The following RNF220 variants were observed in gnomAD, a reference collection of about 807,000 sequenced individuals.
The protein encoded by RNF220 is ring finger protein 220.
In RNF220, 7 loss-of-function variants were observed where a neutral mutation model predicts 67.1. The ratio of observed to expected loss-of-function variants is 0.10; its 90% CI spans 0.06 to 0.20. The LOEUF is 0.20. Among genes scored for constraint, RNF220 ranks in the 10% least tolerant of loss-of-function variants. The pLI, the probability that RNF220 is intolerant of heterozygous loss-of-function variation, is 1.00. For missense variants in RNF220, 565 were observed against 740.3 expected (o/e 0.76, Z 2.75); for synonymous variants, 270 against 283.2 (o/e 0.95, Z 0.47).
At chr1:44,542,361 T>C (rs1285644387) in intron 2 of RNF220, among the ~76,000 whole-genome samples, 1 of 152,030 alleles carries the variant, frequency 6.6e-6, no homozygotes, top group Non-Finnish European at 1.5e-5. Flanking sequence ...CAGCAGAGGG[T>C]TACACACTGA....
chr1:44,625,561 G>C (rs2148456736), intron 4 of RNF220, among the ~76,000 whole-genome samples: 1 of 152,312 alleles, frequency 6.6e-6, no homozygotes, highest in South Asian at 2.1e-4. Context: ...GTACAGGCTG[G>C]AGAAGGTGGG....
intron 2 of RNF220, among the ~76,000 whole-genome samples, chr1:44,550,965 T>C (rs909080544): frequency 4.1e-4 from 62 of 152,070 alleles, no homozygotes; most frequent in Admixed American, 2.0e-4. Flanking sequence ...ACTCAGGCAT[T>C]CAGGGGATTT....
chr1:44,635,497 A>G (rs1361635955), intron 6 of RNF220, 48 bp from the exon 7 acceptor site: 2 of 1,600,942 alleles, frequency 1.2e-6, no homozygotes, highest in African/African-American at 2.7e-5. Flanking sequence ...TGGGGGCTGC[A>G]GTGACCGTCT....
intron 2 of RNF220, among the ~76,000 whole-genome samples, chr1:44,439,498 G>A (rs530253194): frequency 2.6e-5 from 4 of 151,614 alleles, no homozygotes; most frequent in Admixed American, 1.3e-4. Flanking sequence ...GTACTTTAGG[G>A]TGGTGGAGCT....
Position 44,492,312 on chromosome 1 carries a change from C to T in RNF220, c.625+79590C>T, listed in dbSNP as rs181397483. Among the ~76,000 whole-genome samples, 4 of 152,166 alleles carry T rather than the reference C, an allele frequency of 2.6e-5. No individual in the cohort carries two copies. The East Asian group carries it at 7.7e-4, about 29-fold the overall frequency. ...TAGAAATTGGAAGAACCATATGCTC[C>T]CGGGGGGGTGTAAAATAGTGTAACC... is the stretch of plus-strand genomic sequence containing the variant. On this transcript the variant is annotated intron_variant, in intron 2 of 14. Transcript: ENST00000361799.
chr1:44,409,463 C>T (rs1258087376), intron 1 of RNF220, among the ~76,000 whole-genome samples: 1 of 152,234 alleles, frequency 6.6e-6, no homozygotes, highest in African/African-American at 2.4e-5. Context: ...CCTTCTTTCT[C>T]CTCCTTTCAG....
chr1:44,605,005 A>T lies in RNF220; in HGVS notation c.626-9160A>T, dbSNP rs1161934280. Among the ~76,000 whole-genome samples, 8 of 152,332 alleles carry T rather than the reference A, an allele frequency of 5.3e-5. No individual in the cohort carries two copies. The East Asian group carries it at 1.5e-3, about 29-fold the overall frequency. The stretch of plus-strand genomic sequence containing the variant: ...TCTTACAGAAAGAAGAGGAACAGAT[A>T]AAAGCATATATAGGGGCCGGGCGCG... On this transcript the variant is annotated intron_variant, in intron 2 of 14. Coordinates refer to ENST00000361799, the MANE Select transcript of RNF220 (RefSeq NM_018150.4).
At chr1:44,413,685 A>G (rs1299850940) in intron 2 of RNF220, among the ~76,000 whole-genome samples, 3 of 152,264 alleles carry the variant, frequency 2.0e-5, no homozygotes, top group South Asian at 2.1e-4. Context: ...CTTTGTTCTC[A>G]GATTTGCTTC....
At chr1:44,499,113 C>T (rs1055720539) in intron 2 of RNF220, among the ~76,000 whole-genome samples, 1 of 152,204 alleles carries the variant, frequency 6.6e-6, no homozygotes, top group African/African-American at 2.4e-5. Context: ...TCATGTCCCC[C>T]ACCCCATCTC....
chr1:44,614,362 C>A, intron 3 of RNF220, 65 bp downstream of exon 3: 1 of 1,575,128 alleles, frequency 6.3e-7, no homozygotes, highest in South Asian at 1.2e-5. Context: ...CCACCGGATC[C>A]CAGAAGCAGC....
At chr1:44,638,594 C>T (rs1411332522) in intron 8 of RNF220, among the ~76,000 whole-genome samples, 2 of 152,240 alleles carry the variant, frequency 1.3e-5, no homozygotes, top group African/African-American at 4.8e-5. Flanking sequence ...CACCAGGCCC[C>T]TGGAGGTTGG....
Position 44,645,268 on chromosome 1 carries a change from C to A in RNF220, c.1358C>A (p.Ala453Asp). The A allele has an allele frequency of 6.2e-7, 1 of 1,614,010 alleles. No homozygotes were observed. The highest frequency in any genetic ancestry group is 8.5e-7 in the Non-Finnish European group (1 of 1,179,998). Residue 453 changes from alanine to aspartate, a missense_variant, in exon 11 of 15, where the codon GCC (alanine) becomes GAC (aspartate). Coordinates refer to ENST00000361799, the MANE Select transcript of RNF220 (RefSeq NM_018150.4). The surrounding 1 kb of genome is among the most constrained non-coding windows in gnomAD (Gnocchi z 5.0). ...TRITPEFSKW[A>D]SDEMPSTSNG... ...ATCACACCTGAGTTCTCTAAATGGGCCAGTGATGGTAAGTCCTGCCCCAGG... is the reference window on the plus strand; with the variant it reads ...ATCACACCTGAGTTCTCTAAATGGGACAGTGATGGTAAGTCCTGCCCCAGG...
intron 2 of RNF220, among the ~76,000 whole-genome samples, chr1:44,420,378 T>C (rs1649075742): frequency 6.6e-6 from 1 of 152,218 alleles, no homozygotes; most frequent in Admixed American, 6.5e-5. Context: ...TTTACATCAA[T>C]CTTAGTGCAG....
intron 2 of RNF220, among the ~76,000 whole-genome samples, chr1:44,603,000 G>A (rs1432111076): frequency 1.3e-5 from 2 of 151,816 alleles, no homozygotes; most frequent in African/African-American, 4.8e-5. Flanking sequence ...TCCTCGGGCC[G>A]CCACCCTGCG....
At chr1:44,627,907 A>G (rs569914417) in intron 5 of RNF220, among the ~76,000 whole-genome samples, 1 of 152,248 alleles carries the variant, frequency 6.6e-6, no homozygotes, top group East Asian at 1.9e-4. Context: ...TGGAGAGTAG[A>G]GTGCCCAGCA....
intron 2 of RNF220, among the ~76,000 whole-genome samples, chr1:44,440,987 C>T (rs765887470): frequency 2.6e-5 from 4 of 152,128 alleles, no homozygotes; most frequent in Non-Finnish European, 5.9e-5. Flanking sequence ...CAAGGAGAGC[C>T]GCTGGCCTGC....
At chr1:44,611,360 C>T (rs917578273) in intron 2 of RNF220, among the ~76,000 whole-genome samples, 2 of 152,188 alleles carry the variant, frequency 1.3e-5, no homozygotes, top group African/African-American at 4.8e-5. Flanking sequence ...GGAATGCTGA[C>T]GCCTGGTCCC....
intron 2 of RNF220, among the ~76,000 whole-genome samples, chr1:44,513,333 G>A (rs959622490): frequency 1.3e-5 from 2 of 152,204 alleles, no homozygotes; most frequent in African/African-American, 4.8e-5. Flanking sequence ...ATGGGGGCCA[G>A]CCAGGCTGCC....
intron 2 of RNF220, among the ~76,000 whole-genome samples, chr1:44,481,808 C>A (rs1655840280): frequency 6.6e-6 from 1 of 151,950 alleles, no homozygotes. Context: ...TGGAAGTGAT[C>A]CAGGCAAAGA....
Sources: gnomAD v4.1 joint callset for allele counts (sites outside exome capture counted in the v4.1 genomes callset) on GRCh38, gnomAD v4.1.1 for gene constraint, Gnocchi (gnomAD v3.1) non-coding constraint, MANE v1.5 for transcripts, NCBI Gene and HGNC (gene_info 2026-07-23, HGNC 2026-07-21) for gene names.